Variants in TYW1 observed in about 807,000 individuals in gnomAD.
TYW1 encodes the protein tRNA-yW synthesizing protein 1 homolog, also known as S-adenosyl-L-methionine-dependent tRNA 4-demethylwyosine synthase TYW1.
In TYW1, 46 loss-of-function variants were observed where a neutral mutation model predicts 96.2. The ratio of observed to expected loss-of-function variants is 0.48; its 90% CI spans 0.38 to 0.61. TYW1 has a LOEUF of 0.61. Ranked by LOEUF, TYW1 falls within the 20% of genes least tolerant of loss-of-function variation. The pLI is 0.00. For synonymous variants in TYW1, 274 were observed against 323.0 expected (o/e 0.85, Z 1.63); for missense variants, 684 against 909.6 (o/e 0.75, Z 3.19).
At chr7:67,069,030 C>T (rs972744200) in intron 10 of TYW1, among the ~76,000 whole-genome samples, 1 of 152,150 alleles carries the variant, frequency 6.6e-6, no homozygotes, top group African/African-American at 2.4e-5. Flanking sequence ...TAGTCAATGT[C>T]ATCTCTTAAT....
chr7:67,215,304 G>A (rs956663032), intron 15 of TYW1, among the ~76,000 whole-genome samples: 8 of 151,936 alleles, frequency 5.3e-5, no homozygotes, highest in African/African-American at 1.9e-4. Flanking sequence ...GCAGTCACAA[G>A]TCCCAAATTC....
intron 13 of TYW1, among the ~76,000 whole-genome samples, chr7:67,140,861 G>A (rs1798428585): frequency 6.6e-6 from 1 of 152,180 alleles, no homozygotes; most frequent in African/African-American, 2.4e-5. Context: ...TCAGTCAGGA[G>A]CCAGTTAAAA....
chr7:67,014,839 C>T (rs1793961171), intron 5 of TYW1, among the ~76,000 whole-genome samples: 1 of 151,612 alleles, frequency 6.6e-6, no homozygotes, highest in African/African-American at 2.4e-5. Flanking sequence ...AGTGATTTCT[C>T]CTGCCTCAAC....
At chr7:67,197,231 A>T (rs1800423919) in intron 15 of TYW1, among the ~76,000 whole-genome samples, 1 of 151,986 alleles carries the variant, frequency 6.6e-6, no homozygotes, top group Admixed American at 6.6e-5. Context: ...AAAACCACCT[A>T]ATTTGGTGAA....
chr7:67,116,999 G>A (rs1297610055), intron 12 of TYW1, among the ~76,000 whole-genome samples: 2 of 152,238 alleles, frequency 1.3e-5, no homozygotes, highest in Non-Finnish European at 1.5e-5. Context: ...GTGACTCTGC[G>A]TCCTTTGAGT....
chr7:67,128,837 C>T (rs527808216), intron 13 of TYW1, among the ~76,000 whole-genome samples: 19 of 152,034 alleles, frequency 1.2e-4, no homozygotes, highest in Admixed American at 8.5e-4. Context: ...TACAGGCACC[C>T]GCCACCATGC....
chr7:67,068,457 C>G (rs999140772), intron 10 of TYW1, among the ~76,000 whole-genome samples: 3 of 152,224 alleles, frequency 2.0e-5, no homozygotes, highest in African/African-American at 7.2e-5. Flanking sequence ...CTAATAGAAG[C>G]TACTTAATTC....
At chr7:67,219,167 C>G (rs1275665324) in intron 15 of TYW1, among the ~76,000 whole-genome samples, 1 of 152,168 alleles carries the variant, frequency 6.6e-6, no homozygotes, top group East Asian at 1.9e-4. Context: ...TTGAGATGAT[C>G]ATGTGGTTTT....
At chr7:67,190,048 T>C (rs1432057902) in intron 14 of TYW1, among the ~76,000 whole-genome samples, 1 of 151,816 alleles carries the variant, frequency 6.6e-6, no homozygotes, top group Non-Finnish European at 1.5e-5. Flanking sequence ...ACCTTGAGAA[T>C]AGGACGTGCT....
chr7:67,029,437 A>ATATATATATATATATACACATATATAT (rs746024597), intron 7 of TYW1, among the ~76,000 whole-genome samples: 2 of 146,560 alleles, frequency 1.4e-5, no homozygotes, highest in African/African-American at 5.0e-5. Flanking sequence ...ATATATAAAT[A>ATATATATATATATATACACATATATAT]GTATTTTCTA....
intron 15 of TYW1, among the ~76,000 whole-genome samples, chr7:67,203,194 T>C (rs116806565): frequency 0.038 from 5,823 of 152,326 alleles, 331 homozygotes; most frequent in African/African-American, 0.13. Flanking sequence ...AGTTTCCTCA[T>C]TGGAAGAAGG....
intron 6 of TYW1, 26 bp downstream of exon 6, chr7:67,018,169 C>G (rs369028621): frequency 1.9e-6 from 3 of 1,597,812 alleles, no homozygotes; most frequent in African/African-American, 2.7e-5. Context: ...GTTCATCTCT[C>G]GAGGCTTTCC....
At chr7:67,119,205 A>G (rs1193728354) in intron 13 of TYW1, among the ~76,000 whole-genome samples, 1 of 151,922 alleles carries the variant, frequency 6.6e-6, no homozygotes, top group Non-Finnish European at 1.5e-5. Context: ...GATAATGACA[A>G]TCACCCCAGG....
In TYW1 at chr7:67,067,306, G is replaced by T; in HGVS notation, c.1177G>T (p.Gly393Cys). 1.9e-6 allele frequency: 3 copies of T among 1,613,972 alleles called. No homozygotes were observed. The highest frequency in any genetic ancestry group is 2.5e-6 in the Non-Finnish European group (3 of 1,179,860). The change falls in exon 10 of 16, where the codon GGT (glycine) becomes TGT (cysteine). Residue 393 changes from glycine to cysteine, a missense_variant. Physicochemically the swap from Gly to Cys is radical, Grantham distance 159. Coordinates refer to ENST00000359626, the MANE Select transcript of TYW1 (RefSeq NM_018264.4). ...ATAGTCCATGCTCCGAGGGAGAGGA[G>T]GTTGTTACAAACACACATTCTATGG... ...WTKSMLRGRG[G>C]CYKHTFYGIE...
chr7:67,014,854 C>T (rs1408077274), intron 5 of TYW1, among the ~76,000 whole-genome samples: 5 of 151,948 alleles, frequency 3.3e-5, no homozygotes, highest in African/African-American at 9.7e-5. Context: ...CTCAACCTCC[C>T]GAGTAGCTGG....
Position 67,136,681 on chromosome 7 carries a change from GTGTGTA to G in TYW1, c.1698+19065_1698+19070del, listed in dbSNP as rs1393517683. 2.6e-3 allele frequency among the ~76,000 whole-genome samples: 339 copies of G among 129,510 alleles called. 2 individuals carry two copies. Among genetic ancestry groups the G allele is most frequent in the African/African-American group, 7.1e-3 (253 of 35,690 alleles). The allele number at this position is 129,510 out of a possible 152,430, so 85.0% of individuals were successfully genotyped here. A position where few individuals can be genotyped will look rare whatever the true frequency, so the allele number is the denominator to read the frequency against. ...TGTGTGTGTGTGTGTGTGTGTGTGTGTGTGTATATATATATATGCTGACATCACTAT... is the reference window on the plus strand; with the variant it reads ...TGTGTGTGTGTGTGTGTGTGTGTGTGTATATATATATGCTGACATCACTAT... On this transcript the variant is annotated intron_variant, in intron 13 of 15. Transcript: ENST00000359626.
At chr7:67,213,003 G>A (rs1801088366) in intron 15 of TYW1, among the ~76,000 whole-genome samples, 2 of 150,524 alleles carry the variant, frequency 1.3e-5, no homozygotes, top group Admixed American at 1.3e-4. Context: ...AGCCTCCCAA[G>A]TAGCTGGGAT....
chr7:67,017,798 G>A, intron 5 of TYW1, 55 bp from the exon 6 acceptor site: 1 of 1,562,078 alleles, frequency 6.4e-7, no homozygotes, highest in Non-Finnish European at 8.7e-7. Flanking sequence ...AGAGCAGTCT[G>A]GAAAACCCTG....
chr7:67,017,108 A>C (rs1794052885), intron 5 of TYW1, among the ~76,000 whole-genome samples: 2 of 150,610 alleles, frequency 1.3e-5, no homozygotes, highest in Non-Finnish European at 2.9e-5. Flanking sequence ...TCGACCTTAC[A>C]AGTAGCCTGA....
Sources: gnomAD v4.1 joint callset for allele counts (sites outside exome capture counted in the v4.1 genomes callset) on GRCh38, gnomAD v4.1.1 for gene constraint, MANE v1.5 for transcripts, NCBI Gene and HGNC (gene_info 2026-07-23, HGNC 2026-07-21) for gene names.